The following TMEM123 variants were observed in gnomAD, a reference collection of about 807,000 sequenced individuals.
TMEM123 encodes transmembrane protein 123, also known as porimin.
TMEM123 carries 16 observed loss-of-function variants against 19.7 expected under a neutral mutation model. The ratio of observed to expected loss-of-function variants is 0.81; its 90% confidence interval spans 0.55 to 1.23. The LOEUF is 1.23. Among genes scored for constraint, TMEM123 ranks in the 50% most tolerant of loss-of-function variants. The pLI is 0.00. For synonymous variants in TMEM123, 118 were observed against 99.4 expected (o/e 1.19, Z -1.12); for missense variants, 313 against 257.8 (o/e 1.21, Z -1.47).
intron 2 of TMEM123, among the ~76,000 whole-genome samples, chr11:102,407,405 C>G (rs1190800136): frequency 1.3e-5 from 2 of 152,112 alleles, no homozygotes; most frequent in Non-Finnish European, 2.9e-5. Context: ...GTAGAGCCAC[C>G]AGGGGAAGGC....
chr11:102,437,817 A>C lies in TMEM123; in HGVS notation c.157+10995T>G, dbSNP rs1857780224. ...GCCTGCTCTGTTTTTGATGGCTCAA[A>C]ATATAATTCTTTTATTGAAATACAT... On this transcript the variant is annotated intron_variant, in intron 2 of 4. Coordinates refer to ENST00000398136, the MANE Select transcript of TMEM123 (RefSeq NM_052932.3). Among the ~76,000 whole-genome samples the C allele has an allele frequency of 2.0e-5, 3 of 152,152 alleles. No homozygotes were observed. The South Asian group carries it at 6.2e-4, about 31-fold the overall frequency.
At chr11:102,427,341 C>T (rs1952137466) in intron 2 of TMEM123, among the ~76,000 whole-genome samples, 2 of 151,782 alleles carry the variant, frequency 1.3e-5, no homozygotes, top group Admixed American at 1.3e-4. Flanking sequence ...GGACCCAGGT[C>T]TCTGCTGAAG....
At chr11:102,440,418 T>C (rs932113284) in intron 2 of TMEM123, among the ~76,000 whole-genome samples, 10 of 152,140 alleles carry the variant, frequency 6.6e-5, no homozygotes, top group Non-Finnish European at 1.5e-4. Context: ...AGAAAAGAAT[T>C]TTCAACCCAG....
chr11:102,439,934 G>A (rs1331758210), intron 2 of TMEM123, among the ~76,000 whole-genome samples: 1 of 152,170 alleles, frequency 6.6e-6, no homozygotes, highest in Non-Finnish European at 1.5e-5. Context: ...GATTCAACTA[G>A]AAGAAAGTGT....
At chr11:102,415,712 A>G (rs1283137614) in intron 2 of TMEM123, among the ~76,000 whole-genome samples, 1 of 152,226 alleles carries the variant, frequency 6.6e-6, no homozygotes, top group Non-Finnish European at 1.5e-5. Flanking sequence ...AAATGCCCAC[A>G]TGAAAATGTT....
rs1355597032 is a variant in TMEM123 at position 102,402,110 on chromosome 11, G to A, written c.254C>T (p.Thr85Met). 9.3e-6 allele frequency: 15 copies of A among 1,614,168 alleles called. No homozygotes were observed. The highest frequency in any genetic ancestry group is 2.2e-5 in the East Asian group (1 of 44,868). ...CGCTGTAGGTTTCATGGTGGTGACC[G>A]TTGTATTACTGGAGTCTGAGGCAAC... is the stretch of plus-strand genomic sequence containing the variant. Reference protein sequence around the residue: ...TSVASDSSNTTVTTMKPTAAS... With the variant: ...TSVASDSSNTMVTTMKPTAAS... The change falls in exon 3 of 5, where the codon ACG becomes ATG. Residue 85 changes from threonine (T) to methionine (M), a missense_variant. Physicochemically the swap from Thr to Met is moderately conservative, Grantham distance 81 (BLOSUM62 -1). Transcript: ENST00000398136.
intron 2 of TMEM123, among the ~76,000 whole-genome samples, chr11:102,437,729 G>T (rs2135861184): frequency 6.6e-6 from 1 of 152,280 alleles, no homozygotes; most frequent in African/African-American, 2.4e-5. Context: ...AAGACCCAGA[G>T]ACATTAACAA....
rs1565345191 is a variant in TMEM123 at position 102,397,430 on chromosome 11, C to CA, written c.*1436dup. On this transcript the variant is annotated 3_prime_UTR_variant, in exon 5 of 5. Coordinates refer to ENST00000398136, the MANE Select transcript of TMEM123 (RefSeq NM_052932.3). Reference sequence around the variant, plus strand: ...GCCATCTTAGTATTTACTGTGACTACATACCTCTTTTGTTAAAACTTGACC... The same window carrying CA: ...GCCATCTTAGTATTTACTGTGACTACAATACCTCTTTTGTTAAAACTTGACC... 1.3e-5 allele frequency: 2 copies of CA among 152,150 alleles called. No individual in the cohort carries two copies. The highest frequency in any genetic ancestry group is 2.9e-5 in the Non-Finnish European group (2 of 68,016). 9.4% of individuals were successfully genotyped at this position (152,150 alleles called of 1,614,324 possible). A position where few individuals can be genotyped will look rare whatever the true frequency, so the allele number is the denominator to read the frequency against.
intron 2 of TMEM123, among the ~76,000 whole-genome samples, chr11:102,402,777 T>G (rs1951924685): frequency 6.6e-6 from 1 of 152,248 alleles, no homozygotes; most frequent in African/African-American, 2.4e-5. Context: ...TCACAGAATG[T>G]GGCTAGCTGT....
intron 2 of TMEM123, among the ~76,000 whole-genome samples, chr11:102,429,162 GCCACACTA>G (rs2135856653): frequency 6.6e-6 from 1 of 152,004 alleles, no homozygotes; most frequent in Non-Finnish European, 1.5e-5. Context: ...GAAATCCCTA[GCCACACTA>G]GATCTAGTTC....
chr11:102,432,236 G>A (rs1474790071), intron 2 of TMEM123, among the ~76,000 whole-genome samples: 1 of 152,128 alleles, frequency 6.6e-6, no homozygotes, highest in African/African-American at 2.4e-5. Flanking sequence ...TAGAGACTTG[G>A]AGGGCTCAGA....
Position 102,401,531 on chromosome 11 carries a change from A to G in TMEM123, c.602+8T>C, listed in dbSNP as rs752647375. 6.4e-7 allele frequency: 1 copy of G among 1,556,618 alleles called. No homozygotes were observed. Among genetic ancestry groups the G allele is most frequent in the East Asian group, 2.3e-5 (1 of 43,400 alleles). On this transcript the variant is annotated splice_region_variant and intron_variant, in intron 4 of 4. Transcript: ENST00000398136. ...TTTTTTAAAAAGTCCTGGCCATTCA[A>G]AACTTACATGGTTCGATACCGAATG...
intron 1 of TMEM123, chr11:102,451,115 A>T (rs1857934464): frequency 6.6e-6 from 1 of 152,224 alleles, no homozygotes; most frequent in African/African-American, 2.4e-5. Flanking sequence ...GTAAGACATT[A>T]AGTAATAAAC....
At position 102,444,994 on chromosome 11, in the gene TMEM123, G is replaced by A. The variant is rs542412204; in HGVS notation, c.157+3818C>T. ...AGAGAACACTTGGACACAGGGCAGG[G>A]AACATCACACACCAGGGCCTGTCGT... On this transcript the variant is annotated intron_variant, in intron 2 of 4. Coordinates refer to ENST00000398136, the MANE Select transcript of TMEM123 (RefSeq NM_052932.3). 2.6e-3 allele frequency among the ~76,000 whole-genome samples: 388 copies of A among 148,156 alleles called. 1 individual carries two copies. The highest frequency in any genetic ancestry group is 0.018 in the Middle Eastern group (5 of 284).
In TMEM123 at chr11:102,401,067, A is replaced by T. The variant is rs191436950; in HGVS notation, c.602+472T>A. Among the ~76,000 whole-genome samples, 290 of 152,304 alleles carry T rather than the reference A, an allele frequency of 1.9e-3. 3 individuals carry two copies. Among genetic ancestry groups the T allele is most frequent in the Non-Finnish European group, 1.3e-3 (88 of 68,024 alleles). On this transcript the variant is annotated intron_variant, in intron 4 of 4. Coordinates refer to ENST00000398136, the MANE Select transcript of TMEM123 (RefSeq NM_052932.3). Reference sequence around the variant, plus strand: ...TACAGGTAAAATGATAAATTATATTATTTATACTAACCACTCATTTAAATT... The same window carrying T: ...TACAGGTAAAATGATAAATTATATTTTTTATACTAACCACTCATTTAAATT...
chr11:102,406,288 G>A lies in TMEM123; in HGVS notation c.158-4082C>T, dbSNP rs1951954909. Among the ~76,000 whole-genome samples the A allele has an allele frequency of 3.9e-5, 6 of 152,090 alleles. 1 individual carries two copies. Among genetic ancestry groups the A allele is most frequent in the Admixed American group, 3.3e-4 (5 of 15,266 alleles). On this transcript the variant is annotated intron_variant, in intron 2 of 4. Coordinates refer to ENST00000398136, the MANE Select transcript of TMEM123 (RefSeq NM_052932.3). ...TGTCCACTCCCTCCTCTGTCTATGG[G>A]GGTAAAGAGGAGAATGCCATCCTCC... is the stretch of plus-strand genomic sequence containing the variant.
At chr11:102,399,725 TTTGGGAGGCCAAG>T (rs1466002859) in intron 4 of TMEM123, among the ~76,000 whole-genome samples, 2 of 152,186 alleles carry the variant, frequency 1.3e-5, no homozygotes, top group African/African-American at 4.8e-5. Context: ...ATCCCAGCAC[TTTGGGAGGCCAAG>T]GTGGGAGGAT....
At chr11:102,452,355 T>C (rs1857950612) in intron 1 of TMEM123, 169 bp downstream of exon 1, 2 of 474,540 alleles carry the variant, frequency 4.2e-6, no homozygotes, top group Non-Finnish European at 6.9e-6. Context: ...AGCGGGTGAC[T>C]GGTCCAAACC....
chr11:102,411,587 T>C (rs1591556154), intron 2 of TMEM123, among the ~76,000 whole-genome samples: 1 of 151,720 alleles, frequency 6.6e-6, no homozygotes, highest in African/African-American at 2.4e-5. Context: ...CCTTAACTGG[T>C]GGGATCTGAC....
Sources: allele counts gnomAD v4.1 joint callset (sites outside exome capture counted in the v4.1 genomes callset), GRCh38; gene constraint gnomAD v4.1.1; transcripts MANE v1.5; gene names NCBI Gene and HGNC (gene_info 2026-07-23, HGNC 2026-07-21).